Variants in VSIG4 observed in about 807,000 individuals in gnomAD.
VSIG4 encodes V-set and immunoglobulin domain-containing protein 4.
A neutral mutation model predicts 23.4 loss-of-function variants in VSIG4; 34 were observed. That is an observed-to-expected ratio of 1.45 (90% CI 1.10 to 1.93). The LOEUF is 1.93. Ranked by LOEUF, VSIG4 falls within the 30% of genes most tolerant of loss-of-function variation. The probability of loss-of-function intolerance (pLI) is 0.00; values close to 1 mark genes in which losing one functional copy is unlikely to be tolerated. For missense variants in VSIG4, 433 were observed against 310.8 expected (o/e 1.39, Z -2.96); for synonymous variants, 169 against 120.3 (o/e 1.41, Z -2.65).
chrX:66,035,443 T>C (rs1234212376), intron 1 of VSIG4, among the ~76,000 whole-genome samples: 1 of 112,238 alleles, frequency 8.9e-6, no homozygotes, highest in African/African-American at 3.2e-5. Context: ...TTAAACTGTC[T>C]GGGGGAAGTT....
intron 6 of VSIG4, among the ~76,000 whole-genome samples, chrX:66,023,792 G>T (rs773842528): frequency 3.6e-5 from 4 of 112,479 alleles, no homozygotes. Context: ...ATCACAGAGA[G>T]CCTTGAATAG....
intron 5 of VSIG4, among the ~76,000 whole-genome samples, chrX:66,025,467 A>G (rs532217264): frequency 8.9e-5 from 10 of 112,277 alleles, no homozygotes; most frequent in African/African-American, 2.9e-4. Context: ...TTCACCAAAA[A>G]TGCTACATAC....
At position 66,036,967 on chromosome X, in the gene VSIG4, A is replaced by T. The variant is rs1206379696; in HGVS notation, c.55+2977T>A. ...ATGATATATTATATTATATTATATA[A>T]TATATAATATAATATATCATATAAT... On this transcript the variant is annotated intron_variant, in intron 1 of 7. Transcript: ENST00000374737. 3.2e-3 allele frequency among the ~76,000 whole-genome samples: 108 copies of T among 33,957 alleles called. 2 individuals are homozygous for T. Among genetic ancestry groups the T allele is most frequent in the African/African-American group, 0.019 (93 of 4,854 alleles). The allele number at this position is 33,957 out of a possible 115,157, so 29.5% of individuals were successfully genotyped here. A position where few individuals can be genotyped will look rare whatever the true frequency, so the allele number is the denominator to read the frequency against.
intron 7 of VSIG4, 157 bp downstream of exon 7, chrX:66,022,684 G>T (rs2085346638): frequency 6.2e-6 from 7 of 1,136,393 alleles, no homozygotes; most frequent in Non-Finnish European, 7.0e-6. Context: ...ACCTCAGAAG[G>T]TGCCTGAGAG....
At position 66,022,649 on chromosome X, in the gene VSIG4, C is replaced by T. The variant is rs926101482; in HGVS notation, c.963-149G>A. The T allele has an allele frequency of 2.0e-5, 23 of 1,123,439 alleles. No homozygotes were observed. In the African/African-American group the frequency reaches 2.6e-4, roughly 13 times the overall value. The allele number at this position is 1,123,439 out of a possible 1,213,427, so 92.6% of individuals were successfully genotyped here. On this transcript the variant is annotated intron_variant, in intron 7 of 7. Coordinates refer to ENST00000374737, the MANE Select transcript of VSIG4 (RefSeq NM_007268.3). ...CAGAAGGCAGATGGATCTAAATTAT[C>T]CTTTGTGTTCAGAGGGCCAAAACAA... is the stretch of plus-strand genomic sequence containing the variant.
rs754428587 is a variant in VSIG4 at position 66,022,373 on chromosome X, C to T, written c.1090G>A (p.Gly364Arg). 9.9e-6 allele frequency: 12 copies of T among 1,211,019 alleles called. No homozygotes were observed. The highest frequency in any genetic ancestry group is 4.6e-4 in the Middle Eastern group (2 of 4,353). ...GNNYSDEPCI[G>R]QEYQIIAQIN... ...TGGGCGATGATCTGGTACTCCTGTC[C>T]TATGCAGGGCTCATCAGAGTAGTTG... The change falls in exon 8 of 8, where the codon GGA (glycine) becomes AGA (arginine). Residue 364 changes from glycine (G) to arginine (R), a missense_variant. Transcript: ENST00000374737.
intron 1 of VSIG4, among the ~76,000 whole-genome samples, chrX:66,036,570 A>AAGTAGTAAAGTGGT (rs2085543530): frequency 1.1e-5 from 1 of 92,380 alleles, no homozygotes; most frequent in Non-Finnish European, 2.1e-5. Flanking sequence ...AGTAAAGTGG[A>AAGTAGTAAAGTGGT]AGTAATAATA....
At chrX:66,035,910 G>C (rs2085532686) in intron 1 of VSIG4, among the ~76,000 whole-genome samples, 1 of 111,983 alleles carries the variant, frequency 8.9e-6, no homozygotes, top group African/African-American at 3.2e-5. Context: ...TGACCTTAGG[G>C]GAGCTGAAAG....
intron 1 of VSIG4, among the ~76,000 whole-genome samples, chrX:66,036,867 A>G (rs1222669201): frequency 2.4e-5 from 1 of 41,166 alleles, no homozygotes; most frequent in Non-Finnish European, 3.7e-5. Flanking sequence ...ATAATAATAT[A>G]TTATATTATA....
In VSIG4 at chrX:66,039,128, C is replaced by T. The variant is rs892997994; in HGVS notation, c.55+816G>A. On this transcript the variant is annotated intron_variant, in intron 1 of 7. Coordinates refer to ENST00000374737, the MANE Select transcript of VSIG4 (RefSeq NM_007268.3). ...CCATAAATAGCCCAGACAAATTGAG[C>T]CATGTCTATAGGGAAGTGAGTTATC... is the stretch of plus-strand genomic sequence containing the variant. Among the ~76,000 whole-genome samples the T allele has an allele frequency of 2.7e-5, 3 of 111,927 alleles. No homozygotes were observed. In the South Asian group the frequency reaches 1.1e-3, roughly 42 times the overall value.
chrX:66,027,855 C>T (rs1450643312), intron 4 of VSIG4, among the ~76,000 whole-genome samples, 195 bp downstream of exon 4: 1 of 112,145 alleles, frequency 8.9e-6, no homozygotes, highest in African/African-American at 3.2e-5. Context: ...CCTTTTGCCT[C>T]AGAAGTTTTC....
chrX:66,034,846 A>G (rs912736146), intron 1 of VSIG4, among the ~76,000 whole-genome samples: 1 of 109,780 alleles, frequency 9.1e-6, no homozygotes, highest in African/African-American at 3.3e-5. Context: ...ATAAGCTCTT[A>G]TTTAGAAGAT....
intron 4 of VSIG4, 107 bp from the exon 5 acceptor site, chrX:66,027,633 A>G (rs2085407967): frequency 3.3e-6 from 2 of 604,788 alleles, no homozygotes; most frequent in Admixed American, 2.7e-5. Flanking sequence ...TTTGTGCTGT[A>G]CTTTCCAGGG....
intron 1 of VSIG4, among the ~76,000 whole-genome samples, chrX:66,039,318 C>T (rs1364804903): frequency 1.8e-5 from 2 of 111,587 alleles, no homozygotes; most frequent in Admixed American, 1.9e-4. Flanking sequence ...CCCCAAGAAG[C>T]AAAGCTGGGG....
intron 1 of VSIG4, among the ~76,000 whole-genome samples, chrX:66,038,692 C>A (rs1224710561): frequency 9.0e-6 from 1 of 111,485 alleles, no homozygotes; most frequent in African/African-American, 3.3e-5. Flanking sequence ...AATGTTTTTT[C>A]AGGAGCATTA....
intron 1 of VSIG4, among the ~76,000 whole-genome samples, chrX:66,036,891 A>G (rs1199158621): frequency 7.6e-5 from 3 of 39,458 alleles, no homozygotes; most frequent in Admixed American, 5.2e-4. Context: ...TATATTATAT[A>G]TTTTATTATA....
intron 6 of VSIG4, among the ~76,000 whole-genome samples, chrX:66,023,316 A>T (rs1156564775): frequency 9.0e-6 from 1 of 111,230 alleles, no homozygotes; most frequent in Non-Finnish European, 1.9e-5. Context: ...CCCCCACTAT[A>T]TACCCAGGAA....
intron 6 of VSIG4, 77 bp from the exon 7 acceptor site, chrX:66,022,939 G>T: frequency 1.9e-6 from 2 of 1,070,252 alleles, no homozygotes; most frequent in Non-Finnish European, 1.3e-6. Context: ...CTGGGTACCA[G>T]TCAAAAGATG....
chrX:66,037,473 A>C (rs865784564), intron 1 of VSIG4, among the ~76,000 whole-genome samples: 10 of 48,055 alleles, frequency 2.1e-4, no homozygotes, highest in African/African-American at 8.0e-4. Context: ...TAATATATAT[A>C]ATAATTATAT....
Sources: gnomAD v4.1 joint callset for allele counts (sites outside exome capture counted in the v4.1 genomes callset) on GRCh38, gnomAD v4.1.1 for gene constraint, MANE v1.5 for transcripts, NCBI Gene and HGNC (gene_info 2026-07-23, HGNC 2026-07-21) for gene names.